Variants in PCNX1 observed in about 807,000 individuals in gnomAD.
PCNX1 encodes the protein pecanex-like protein 1.
A neutral mutation model predicts 242.2 loss-of-function variants in PCNX1; 78 were observed. That is an observed-to-expected ratio of 0.32 (90% CI 0.27 to 0.39). The LOEUF is 0.39. PCNX1 is among the 10% of genes least tolerant of loss of function. The probability of loss-of-function intolerance (pLI) is 1.00; values close to 1 mark genes in which losing one functional copy is unlikely to be tolerated. For synonymous variants in PCNX1, 1,024 were observed against 1,032.9 expected, an observed-to-expected ratio of 0.99 and a Z score of 0.17; for missense variants, 2,581 against 2,856.5, an observed-to-expected ratio of 0.90 and a Z score of 2.20.
intron 1 of PCNX1, among the ~76,000 whole-genome samples, chr14:70,940,014 T>C (rs2057169206): frequency 6.6e-6 from 1 of 152,208 alleles, no homozygotes; most frequent in African/African-American, 2.4e-5. Flanking sequence ...TTTGAGCCTA[T>C]GTGTGTCCCT....
chr14:71,050,323 A>G (rs1399092946), intron 22 of PCNX1, among the ~76,000 whole-genome samples: 1 of 152,140 alleles, frequency 6.6e-6, no homozygotes, highest in East Asian at 1.9e-4. Context: ...TTTCAAGAAC[A>G]GTTATTTGGC....
intron 24 of PCNX1, among the ~76,000 whole-genome samples, chr14:71,052,558 AT>A (rs1364796922): frequency 1.3e-5 from 2 of 150,008 alleles, no homozygotes; most frequent in Non-Finnish European, 2.9e-5. Context: ...TTCTGATTGA[AT>A]ATGTTCATGT....
At chr14:70,946,888 T>C in intron 1 of PCNX1, 27 bp from the exon 2 acceptor site, 1 of 1,391,652 alleles carries the variant, frequency 7.2e-7, no homozygotes, top group Non-Finnish European at 1.0e-6. Flanking sequence ...TTTTAAAATG[T>C]ATTTCCTTAT....
At chr14:71,099,877 T>C (rs892171982) in intron 30 of PCNX1, among the ~76,000 whole-genome samples, 8 of 152,224 alleles carry the variant, frequency 5.3e-5, no homozygotes, top group African/African-American at 1.7e-4. Flanking sequence ...TTATCTGATA[T>C]AGGAATAGTG....
chr14:70,985,873 C>T (rs2058986514), intron 6 of PCNX1, among the ~76,000 whole-genome samples: 1 of 152,150 alleles, frequency 6.6e-6, no homozygotes, highest in East Asian at 1.9e-4. Context: ...GTATTTTCTC[C>T]CTTCTCTCTG....
intron 1 of PCNX1, among the ~76,000 whole-genome samples, chr14:70,932,237 A>C (rs921842377): frequency 6.6e-6 from 1 of 152,236 alleles, no homozygotes; most frequent in Admixed American, 6.5e-5. Flanking sequence ...AAACTATAGC[A>C]TATAAGGCAG....
At position 71,065,729 on chromosome 14, in the gene PCNX1, G is replaced by T. The variant is rs372862430; in HGVS notation, c.4853-7816G>T. Among the ~76,000 whole-genome samples, 78 of 152,256 alleles carry T rather than the reference G, an allele frequency of 5.1e-4. 1 individual carries two copies. In the South Asian group the frequency reaches 0.015, roughly 30 times the overall value. ...ATGGTATTGTCTAGCTTTTCTTCTA[G>T]AGTTTTTATGGTTTTAGGTCTTAGA... On this transcript the variant is annotated intron_variant, in intron 26 of 35. Transcript: ENST00000304743.
chr14:71,078,499 A>G (rs2061771998), intron 28 of PCNX1, among the ~76,000 whole-genome samples: 1 of 152,242 alleles, frequency 6.6e-6, no homozygotes, highest in East Asian at 1.9e-4. Flanking sequence ...CTACTTTTCA[A>G]ACGATAAGTA....
At chr14:71,004,052 G>A (rs1353612435) in intron 8 of PCNX1, among the ~76,000 whole-genome samples, 1 of 152,234 alleles carries the variant, frequency 6.6e-6, no homozygotes, top group South Asian at 2.1e-4. Context: ...GTAAACCACC[G>A]CCTGTGGGCT....
intron 28 of PCNX1, among the ~76,000 whole-genome samples, chr14:71,080,091 G>C (rs1390400757): frequency 6.6e-6 from 1 of 152,090 alleles, no homozygotes; most frequent in African/African-American, 2.4e-5. Flanking sequence ...TCTGCATATG[G>C]GTAGCCAGTT....
chr14:70,908,707 G>C (rs1049735964), intron 1 of PCNX1, among the ~76,000 whole-genome samples: 2 of 122,802 alleles, frequency 1.6e-5, no homozygotes, highest in South Asian at 5.6e-4. Context: ...GGCCTCCCTG[G>C]GGGGAGGGAG....
intron 1 of PCNX1, among the ~76,000 whole-genome samples, chr14:70,926,884 TAG>T (rs977395980): frequency 6.6e-6 from 1 of 152,130 alleles, no homozygotes; most frequent in African/African-American, 2.4e-5. Flanking sequence ...AAAGGCTACT[TAG>T]GAGGACAATA....
At chr14:70,988,962 A>G (rs908531599) in intron 7 of PCNX1, among the ~76,000 whole-genome samples, 3 of 151,704 alleles carry the variant, frequency 2.0e-5, no homozygotes, top group African/African-American at 7.3e-5. Flanking sequence ...TACAGGATGT[A>G]TATAGTGGGC....
At chr14:70,918,383 G>A (rs117697913) in intron 1 of PCNX1, among the ~76,000 whole-genome samples, 1,612 of 152,006 alleles carry the variant, frequency 0.011, 16 homozygotes, top group Non-Finnish European at 0.017. Flanking sequence ...ATCGTCTGTG[G>A]GCAAGGTTGA....
rs532229808 is a variant in PCNX1, at chr14:70,949,009, T to C, written c.362+1886T>C. On this transcript the variant is annotated intron_variant, in intron 2 of 35. Coordinates refer to ENST00000304743, the MANE Select transcript of PCNX1 (RefSeq NM_014982.3). ...TATAAATCTCAGCATTTTTATTTAC[T>C]CGTATAAATAAAATGTGTGTGTATA... 3.5e-3 allele frequency among the ~76,000 whole-genome samples: 522 copies of C among 147,850 alleles called. 1 individual carries two copies. Among genetic ancestry groups the C allele is most frequent in the African/African-American group, 0.013 (507 of 40,284 alleles).
chr14:71,113,616 C>CTT lies in PCNX1; in HGVS notation c.*3684_*3685dup, dbSNP rs1417735125. On this transcript the variant is annotated 3_prime_UTR_variant, in exon 36 of 36. Transcript: ENST00000304743. ...GTGAGTCATTCATCCAGCACTGGGC[C>CTT]TTTTAAGCTGAAGATTCACCCAGTG... 6.6e-6 allele frequency: 1 copy of CTT among 152,556 alleles called. No homozygotes were observed. The highest frequency in any genetic ancestry group is 1.5e-5 in the Non-Finnish European group (1 of 68,020). The allele number at this position is 152,556 out of a possible 1,614,324, so 9.5% of individuals were successfully genotyped here. A position where few individuals can be genotyped will look rare whatever the true frequency, so the allele number is the denominator to read the frequency against.
At chr14:71,055,962 A>G (rs2061173089) in intron 25 of PCNX1, among the ~76,000 whole-genome samples, 1 of 152,154 alleles carries the variant, frequency 6.6e-6, no homozygotes, top group Non-Finnish European at 1.5e-5. Context: ...AATTTGATTC[A>G]GTTTATTGTT....
rs774728287 is a variant in PCNX1, at chr14:71,101,984, A to T, written c.5590-6A>T. ...TTAAAAATTTATATATTATTTTTGT[A>T]TTTAGGATCATTTTACTTCTCCAGA... On this transcript the variant is annotated splice_polypyrimidine_tract_variant and splice_region_variant and intron_variant, in intron 30 of 35. Transcript: ENST00000304743. 1 of 1,472,344 alleles carries T rather than the reference A, an allele frequency of 6.8e-7. No individual in the cohort carries two copies. The highest frequency in any genetic ancestry group is 9.3e-7 in the Non-Finnish European group (1 of 1,077,604). The allele number at this position is 1,472,344 out of a possible 1,614,324, so 91.2% of individuals were successfully genotyped here.
At chr14:70,932,140 A>G (rs1452901056) in intron 1 of PCNX1, among the ~76,000 whole-genome samples, 2 of 152,236 alleles carry the variant, frequency 1.3e-5, no homozygotes, top group African/African-American at 4.8e-5. Flanking sequence ...AAACAAAAAC[A>G]AAAAGAATAA....
Sources: allele counts gnomAD v4.1 joint callset (sites outside exome capture counted in the v4.1 genomes callset), GRCh38; gene constraint gnomAD v4.1.1; transcripts MANE v1.5; gene names NCBI Gene and HGNC (gene_info 2026-07-23, HGNC 2026-07-21).